FHIT: variants seen among roughly 807,000 people sequenced by gnomAD.
The protein encoded by FHIT is bis(5'-adenosyl)-triphosphatase.
In FHIT, 19 loss-of-function variants were observed where a neutral mutation model predicts 17.9. The ratio of observed to expected loss-of-function variants is 1.06; its 90% CI spans 0.74 to 1.56. The LOEUF (loss-of-function observed/expected upper bound fraction) is 1.56. Ranked by LOEUF, FHIT falls within the 40% of genes most tolerant of loss-of-function variation. The pLI, the probability that FHIT is intolerant of heterozygous loss-of-function variation, is 0.00. For synonymous variants in FHIT, 81 were observed against 69.7 expected, an observed-to-expected ratio of 1.16 and a Z score of -0.81; for missense variants, 248 against 189.2, an observed-to-expected ratio of 1.31 and a Z score of -1.82.
At chr3:60,699,906 G>A (rs1478118545) in intron 4 of FHIT, among the ~76,000 whole-genome samples, 1 of 151,990 alleles carries the variant, frequency 6.6e-6, no homozygotes, top group Admixed American at 6.6e-5. Flanking sequence ...CACTTTGGGA[G>A]GCCGAGGCAG....
At chr3:60,957,289 G>A (rs1349947698) in intron 3 of FHIT, among the ~76,000 whole-genome samples, 2 of 135,778 alleles carry the variant, frequency 1.5e-5, no homozygotes, top group Non-Finnish European at 3.1e-5. Flanking sequence ...TCAGGCTGGA[G>A]TGCAGTGGCG....
intron 8 of FHIT, among the ~76,000 whole-genome samples, chr3:59,763,549 A>C (rs1278106023): frequency 1.3e-5 from 2 of 152,232 alleles, no homozygotes; most frequent in African/African-American, 2.4e-5. Flanking sequence ...ACATGTATTC[A>C]GTGTATTTTA....
intron 4 of FHIT, among the ~76,000 whole-genome samples, chr3:60,597,151 G>A (rs2107706842): frequency 6.6e-6 from 1 of 152,184 alleles, no homozygotes; most frequent in South Asian, 2.1e-4. Flanking sequence ...GATAATGGTT[G>A]GGGGAGGAGA....
At chr3:59,922,208 C>CT in intron 8 of FHIT, 138 bp downstream of exon 8, 1 of 755,854 alleles carries the variant, frequency 1.3e-6, no homozygotes, top group Non-Finnish European at 2.3e-6. Flanking sequence ...TCCTTGGCCT[C>CT]TATTGCCACT....
At chr3:60,297,320 G>C (rs1045546130) in intron 5 of FHIT, among the ~76,000 whole-genome samples, 11 of 151,974 alleles carry the variant, frequency 7.2e-5, no homozygotes, top group Admixed American at 7.2e-4. Flanking sequence ...TCTCTCATCA[G>C]CATTCTGTAG....
intron 3 of FHIT, among the ~76,000 whole-genome samples, chr3:60,879,986 C>T (rs1379163551): frequency 6.6e-6 from 1 of 151,720 alleles, no homozygotes; most frequent in Non-Finnish European, 1.5e-5. Flanking sequence ...TATCTAATAG[C>T]TGAAAATTTC....
At chr3:60,860,273 G>C (rs371955734) in intron 3 of FHIT, among the ~76,000 whole-genome samples, 16 of 84,652 alleles carry the variant, frequency 1.9e-4, no homozygotes, top group East Asian at 1.2e-3. Flanking sequence ...GTATACATGA[G>C]ATACATCATA....
At chr3:60,981,758 A>G (rs1188478130) in intron 3 of FHIT, among the ~76,000 whole-genome samples, 2 of 132,558 alleles carry the variant, frequency 1.5e-5, no homozygotes, top group Non-Finnish European at 3.2e-5. Flanking sequence ...ACAGGTGTAC[A>G]CCACCATGTC....
At chr3:59,999,081 A>G (rs905107621) in intron 7 of FHIT, among the ~76,000 whole-genome samples, 2 of 152,108 alleles carry the variant, frequency 1.3e-5, no homozygotes, top group Non-Finnish European at 2.9e-5. Context: ...TACAACAATC[A>G]ATAATAATCC....
At chr3:60,655,134 T>G (rs2040084412) in intron 4 of FHIT, among the ~76,000 whole-genome samples, 1 of 152,078 alleles carries the variant, frequency 6.6e-6, no homozygotes, top group Non-Finnish European at 1.5e-5. Flanking sequence ...AGAAAATCAG[T>G]AGATAACATA....
At chr3:60,604,691 G>A (rs574681572) in intron 4 of FHIT, among the ~76,000 whole-genome samples, 18 of 152,198 alleles carry the variant, frequency 1.2e-4, no homozygotes, top group African/African-American at 4.3e-4. Context: ...GAAAAAAACC[G>A]AGGTTCCCAC....
chr3:60,638,527 A>C (rs1553684528), intron 4 of FHIT, among the ~76,000 whole-genome samples: 1 of 152,142 alleles, frequency 6.6e-6, no homozygotes, highest in African/African-American at 2.4e-5. Context: ...ACTCTTAAAA[A>C]TCTTAATGTT....
chr3:61,082,109 G>T (rs935655407), intron 2 of FHIT, among the ~76,000 whole-genome samples: 11 of 151,342 alleles, frequency 7.3e-5, no homozygotes, highest in African/African-American at 2.7e-4. Context: ...TTATTGAAAT[G>T]TAACTGATAT....
At chr3:60,755,103 T>C (rs1193563237) in intron 4 of FHIT, among the ~76,000 whole-genome samples, 2 of 152,216 alleles carry the variant, frequency 1.3e-5, no homozygotes, top group African/African-American at 2.4e-5. Flanking sequence ...TCTTCAAGTA[T>C]ATAAATCCTA....
chr3:60,558,094 G>GGGA (rs2036804732), intron 4 of FHIT, among the ~76,000 whole-genome samples: 1 of 152,002 alleles, frequency 6.6e-6, no homozygotes, highest in Non-Finnish European at 1.5e-5. Context: ...AGTTGTGTTG[G>GGGA]CATCACTTGA....
intron 5 of FHIT, among the ~76,000 whole-genome samples, chr3:60,518,080 A>T (rs774909300): frequency 6.6e-6 from 1 of 152,212 alleles, no homozygotes; most frequent in East Asian, 1.9e-4. Context: ...TCACAAGAAA[A>T]TACGCACAAA....
chr3:60,992,126 C>G (rs1337171734), intron 3 of FHIT, among the ~76,000 whole-genome samples: 1 of 152,190 alleles, frequency 6.6e-6, no homozygotes, highest in African/African-American at 2.4e-5. Flanking sequence ...ACAGGAGAGA[C>G]TACATGCTGT....
chr3:59,873,175 T>A (rs1018056514), intron 8 of FHIT, among the ~76,000 whole-genome samples: 1 of 152,116 alleles, frequency 6.6e-6, no homozygotes, highest in Admixed American at 6.5e-5. Context: ...TCATCTCCAG[T>A]AATTATCCAT....
intron 5 of FHIT, among the ~76,000 whole-genome samples, chr3:60,242,744 C>T (rs1260886951): frequency 6.6e-6 from 1 of 152,054 alleles, no homozygotes; most frequent in Non-Finnish European, 1.5e-5. Context: ...TTCATTCTTT[C>T]TATTGGTTAG....
Sources: gnomAD v4.1 joint callset for allele counts (sites outside exome capture counted in the v4.1 genomes callset) on GRCh38, gnomAD v4.1.1 for gene constraint, MANE v1.5 for transcripts, NCBI Gene and HGNC (gene_info 2026-07-23, HGNC 2026-07-21) for gene names.